The following PPP1R3A variants were observed in gnomAD, a reference collection of about 807,000 sequenced individuals.
PPP1R3A encodes the protein protein phosphatase 1 regulatory subunit 3A.
In PPP1R3A, 29 loss-of-function variants were observed where a neutral mutation model predicts 41.7. The ratio of observed to expected loss-of-function variants is 0.70; its 90% CI spans 0.52 to 0.95. PPP1R3A has a LOEUF of 0.95. Ranked by LOEUF, PPP1R3A falls within the 40% of genes least tolerant of loss-of-function variation. PPP1R3A has a pLI of 0.00. For synonymous variants in PPP1R3A, 485 were observed against 453.4 expected (o/e 1.07, Z -0.89); for missense variants, 1,352 against 1,292.4 (o/e 1.05, Z -0.71).
intron 1 of PPP1R3A, among the ~76,000 whole-genome samples, chr7:113,899,129 T>A (rs544588187): frequency 1.3e-5 from 2 of 151,854 alleles, no homozygotes; most frequent in South Asian, 4.1e-4. Flanking sequence ...CTCACCTGGA[T>A]CCTATTTGCC....
chr7:113,881,815 G>C (rs1796699285), intron 3 of PPP1R3A, among the ~76,000 whole-genome samples: 1 of 152,008 alleles, frequency 6.6e-6, no homozygotes, highest in African/African-American at 2.4e-5. Context: ...CACTGGTAAA[G>C]AGATAAGAAA....
chr7:113,884,719 G>A (rs1796752770), intron 1 of PPP1R3A, among the ~76,000 whole-genome samples: 1 of 152,062 alleles, frequency 6.6e-6, no homozygotes, highest in Non-Finnish European at 1.5e-5. Context: ...AATTTAAAAT[G>A]TTTATTAAGA....
intron 1 of PPP1R3A, among the ~76,000 whole-genome samples, chr7:113,913,290 C>T (rs537401101): frequency 3.2e-4 from 49 of 152,224 alleles, no homozygotes; most frequent in South Asian, 1.9e-3. Context: ...GTCTCACAAT[C>T]CAACAGCTCT....
At position 113,880,338 on chromosome 7, in the gene PPP1R3A, C is replaced by T. The variant is rs549946526; in HGVS notation, c.967-213G>A. Among the ~76,000 whole-genome samples the T allele has an allele frequency of 3.3e-5, 5 of 151,998 alleles. No homozygotes were observed. The South Asian group carries it at 6.2e-4, about 19-fold the overall frequency. On this transcript the variant is annotated intron_variant, in intron 3 of 3. Transcript: ENST00000284601. ...GGAACGAGATTAGTAAGAAAGGGGG[C>T]CCAAATTTATCACTCTCCTTCCCAG...
chr7:113,884,514 A>G (rs2129114831), intron 1 of PPP1R3A, among the ~76,000 whole-genome samples: 1 of 152,192 alleles, frequency 6.6e-6, no homozygotes, highest in Admixed American at 6.6e-5. Context: ...GTCAGACAAT[A>G]GGAAATATGG....
chr7:113,917,003 C>A (rs372177837), intron 1 of PPP1R3A, among the ~76,000 whole-genome samples: 21 of 152,012 alleles, frequency 1.4e-4, no homozygotes, highest in Middle Eastern at 6.8e-3. Flanking sequence ...GAATTGCTTC[C>A]ATCTATACTG....
intron 1 of PPP1R3A, among the ~76,000 whole-genome samples, chr7:113,915,178 T>A (rs573470849): frequency 5.3e-4 from 80 of 152,158 alleles, no homozygotes; most frequent in African/African-American, 1.7e-3. Context: ...GTACAGACTA[T>A]CAGGCATCAA....
chr7:113,881,968 C>T, intron 3 of PPP1R3A, 71 bp downstream of exon 3: 3 of 1,560,816 alleles, frequency 1.9e-6, no homozygotes, highest in Non-Finnish European at 2.6e-6. Context: ...TATTGAAAGG[C>T]AGGCATTGCA....
chr7:113,878,763 C>T lies in PPP1R3A; in HGVS notation c.2329G>A (p.Glu777Lys), dbSNP rs761411120. Residue 777 changes from glutamate (E) to lysine (K), a missense_variant, in exon 4 of 4, where the codon GAA becomes AAA. Coordinates refer to ENST00000284601, the MANE Select transcript of PPP1R3A (RefSeq NM_002711.4). The stretch of plus-strand genomic sequence containing the variant: ...TAATGTGAATCATCATTTCTCCCTT[C>T]ATGTGGATCAAACGCTGTTTCCTTT... ...EVKETAFDPH[E>K]GRNDDSHYTL... 7 of 1,613,554 alleles carry T rather than the reference C, an allele frequency of 4.3e-6. No homozygotes were observed. Among genetic ancestry groups the T allele is most frequent in the Non-Finnish European group, 5.9e-6 (7 of 1,179,720 alleles).
intron 1 of PPP1R3A, among the ~76,000 whole-genome samples, chr7:113,912,898 A>G (rs1797275001): frequency 6.6e-6 from 1 of 151,992 alleles, no homozygotes; most frequent in Admixed American, 6.6e-5. Context: ...GAAGGAGGAT[A>G]CCCTTTTGTT....
rs369050094 is a variant in PPP1R3A at position 113,878,169 on chromosome 7, C to T, written c.2923G>A (p.Glu975Lys). 9.3e-6 allele frequency: 15 copies of T among 1,613,254 alleles called. No homozygotes were observed. The highest frequency in any genetic ancestry group is 1.3e-5 in the Non-Finnish European group (15 of 1,179,576). ...KHPYPESKPE[E>K]VSRSSGIVTS... ...ACTATTCCTGAACTTCTGGAAACTT[C>T]TTCAGGTTTAGACTCAGGATAAGGG... Residue 975 changes from glutamate to lysine, a missense_variant, in exon 4 of 4, where the codon GAA (glutamate) becomes AAA (lysine). Transcript: ENST00000284601.
At chr7:113,915,538 T>C (rs1797324277) in intron 1 of PPP1R3A, among the ~76,000 whole-genome samples, 1 of 149,136 alleles carries the variant, frequency 6.7e-6, no homozygotes, top group South Asian at 2.1e-4. Flanking sequence ...TATATATATG[T>C]ATGTATATGT....
intron 1 of PPP1R3A, among the ~76,000 whole-genome samples, chr7:113,900,627 GTA>G (rs1362071811): frequency 2.7e-5 from 4 of 147,852 alleles, no homozygotes; most frequent in Non-Finnish European, 4.5e-5. Flanking sequence ...ATATATTATT[GTA>G]TATATGACAT....
chr7:113,910,763 T>C (rs1404362360), intron 1 of PPP1R3A, among the ~76,000 whole-genome samples: 1 of 152,126 alleles, frequency 6.6e-6, no homozygotes, highest in Non-Finnish European at 1.5e-5. Context: ...TCATACAGAT[T>C]TATAGTCAAT....
chr7:113,902,016 A>G (rs1451325877), intron 1 of PPP1R3A, among the ~76,000 whole-genome samples: 2 of 151,842 alleles, frequency 1.3e-5, no homozygotes, highest in Non-Finnish European at 2.9e-5. Flanking sequence ...AACAAGAAGC[A>G]TGTTGTGTAA....
At chr7:113,903,882 C>T (rs1428115886) in intron 1 of PPP1R3A, among the ~76,000 whole-genome samples, 1 of 151,618 alleles carries the variant, frequency 6.6e-6, no homozygotes, top group East Asian at 1.9e-4. Flanking sequence ...CATTCATCTC[C>T]ATAAGTATAT....
intron 3 of PPP1R3A, among the ~76,000 whole-genome samples, chr7:113,881,058 G>C (rs1217307376): frequency 6.6e-6 from 1 of 151,864 alleles, no homozygotes; most frequent in Non-Finnish European, 1.5e-5. Context: ...ATTTTTCAGG[G>C]CCCTTTCATT....
chr7:113,894,452 G>A (rs1321952690), intron 1 of PPP1R3A, among the ~76,000 whole-genome samples: 1 of 151,880 alleles, frequency 6.6e-6, no homozygotes, highest in Non-Finnish European at 1.5e-5. Context: ...TTAAACAATA[G>A]TCACCCTTGG....
rs539187129 is a variant in PPP1R3A, at chr7:113,880,314, G to A, written c.967-189C>T. ...GAAATCCTTGCAGGCTATGACTGGG[G>A]AACGAGATTAGTAAGAAAGGGGGCC... On this transcript the variant is annotated intron_variant, in intron 3 of 3. Coordinates refer to ENST00000284601, the MANE Select transcript of PPP1R3A (RefSeq NM_002711.4). Among the ~76,000 whole-genome samples, 435 of 152,084 alleles carry A rather than the reference G, an allele frequency of 2.9e-3. 2 individuals are homozygous for A. Among genetic ancestry groups the A allele is most frequent in the Non-Finnish European group, 4.7e-3 (319 of 67,962 alleles).
Sources: gnomAD v4.1 joint callset for allele counts (sites outside exome capture counted in the v4.1 genomes callset) on GRCh38, gnomAD v4.1.1 for gene constraint, MANE v1.5 for transcripts, NCBI Gene and HGNC (gene_info 2026-07-23, HGNC 2026-07-21) for gene names.